HELZ: variants seen among roughly 807,000 people sequenced by gnomAD.
HELZ encodes the protein helicase with zinc finger.
In HELZ, 23 loss-of-function variants were observed where a neutral mutation model predicts 218.2. The observed-to-expected ratio is 0.11, with a 90% CI of 0.08 to 0.15. The LOEUF is 0.15. Among genes scored for constraint, HELZ ranks in the 10% least tolerant of loss-of-function variants. The pLI is 1.00. For missense variants in HELZ, 1,813 were observed against 2,353.7 expected (o/e 0.77, Z 4.75); for synonymous variants, 814 against 829.4 (o/e 0.98, Z 0.32).
chr17:67,242,999 A>T (rs567895906), intron 2 of HELZ, among the ~76,000 whole-genome samples: 1 of 151,604 alleles, frequency 6.6e-6, no homozygotes, highest in African/African-American at 2.4e-5. Context: ...TTATTTTTCT[A>T]AAAAAAAACT....
At chr17:67,204,026 T>C (rs1385059697) in intron 5 of HELZ, among the ~76,000 whole-genome samples, 2 of 152,370 alleles carry the variant, frequency 1.3e-5, no homozygotes, top group Non-Finnish European at 2.9e-5. Flanking sequence ...TATACTCATT[T>C]TTATGCCATG....
chr17:67,085,424 AAAC>A (rs1330397681), intron 32 of HELZ, among the ~76,000 whole-genome samples: 2 of 152,230 alleles, frequency 1.3e-5, no homozygotes, highest in South Asian at 2.1e-4. Context: ...CCTGTCTCAA[AAAC>A]AACAACAAAA....
chr17:67,115,968 A>G (rs555152480), intron 27 of HELZ, among the ~76,000 whole-genome samples: 6 of 152,266 alleles, frequency 3.9e-5, no homozygotes, highest in African/African-American at 1.2e-4. Flanking sequence ...AAAAATAACA[A>G]TTATGTTTTG....
At chr17:67,225,328 T>C (rs529695346) in intron 3 of HELZ, 1 of 177,160 alleles carries the variant, frequency 5.6e-6, no homozygotes, top group African/African-American at 2.4e-5. Context: ...CCAGTTACAC[T>C]GTAAACGACA....
intron 32 of HELZ, among the ~76,000 whole-genome samples, chr17:67,086,439 G>C (rs2143579133): frequency 6.6e-6 from 1 of 151,470 alleles, no homozygotes; most frequent in South Asian, 2.1e-4. Context: ...AAATTAGCCA[G>C]GCGTGGGTGT....
intron 3 of HELZ, among the ~76,000 whole-genome samples, chr17:67,233,018 C>T (rs190132254): frequency 1.4e-4 from 21 of 152,340 alleles, no homozygotes; most frequent in Admixed American, 1.4e-3. Context: ...ACTGTAATCC[C>T]AGCTACTGGG....
rs140371233 is a variant in HELZ at position 67,165,359 on chromosome 17, G to A, written c.1895+1119C>T. On this transcript the variant is annotated intron_variant, in intron 15 of 32. Coordinates refer to ENST00000358691, the MANE Select transcript of HELZ (RefSeq NM_014877.4). ...GGGAAGTGATATATACCACTCCTAG[G>A]CCTGGCCCATAAAAGCTTCCCACGT... 2.1e-4 allele frequency among the ~76,000 whole-genome samples: 32 copies of A among 152,158 alleles called. No homozygotes were observed. In the East Asian group the frequency reaches 6.0e-3, roughly 29 times the overall value.
intron 15 of HELZ, among the ~76,000 whole-genome samples, chr17:67,165,233 A>G (rs1215392853): frequency 6.6e-6 from 1 of 152,244 alleles, no homozygotes; most frequent in Non-Finnish European, 1.5e-5. Flanking sequence ...GGGACTGCAC[A>G]GTAAGAGTAA....
At chr17:67,135,851 A>T (rs1874292271) in intron 23 of HELZ, 119 bp downstream of exon 23, 1 of 728,216 alleles carries the variant, frequency 1.4e-6, no homozygotes, top group African/African-American at 1.8e-5. Context: ...CCCACTGGAT[A>T]TCAGGCTACA....
rs369445283 is a variant in HELZ at position 67,151,269 on chromosome 17, T to C, written c.2178-45A>G. ...TTCTGATTTACATTTACTAATTTCTTAACAGTATCTAGTTATTAAAACACT... is the reference window on the plus strand; with the variant it reads ...TTCTGATTTACATTTACTAATTTCTCAACAGTATCTAGTTATTAAAACACT... On this transcript the variant is annotated intron_variant, in intron 17 of 32. Transcript: ENST00000358691. 267 of 1,444,556 alleles carry C rather than the reference T, an allele frequency of 1.8e-4. 2 individuals carry two copies. The highest frequency in any genetic ancestry group is 3.6e-5 in the Admixed American group (2 of 55,600). The allele number at this position is 1,444,556 out of a possible 1,614,324, so 89.5% of individuals were successfully genotyped here.
At chr17:67,186,835 T>G (rs1303032031) in intron 12 of HELZ, among the ~76,000 whole-genome samples, 2 of 152,218 alleles carry the variant, frequency 1.3e-5, no homozygotes, top group East Asian at 3.8e-4. Flanking sequence ...TCTTTATGAC[T>G]TAAATCTCTT....
At chr17:67,175,356 TAGAC>T (rs1373851247) in intron 13 of HELZ, among the ~76,000 whole-genome samples, 2 of 152,190 alleles carry the variant, frequency 1.3e-5, no homozygotes, top group Non-Finnish European at 2.9e-5. Context: ...AGTAGCTGCA[TAGAC>T]ACCTCCCCCA....
chr17:67,147,947 C>T (rs999165825), intron 20 of HELZ, among the ~76,000 whole-genome samples: 3 of 152,256 alleles, frequency 2.0e-5, no homozygotes, highest in Admixed American at 6.5e-5. Flanking sequence ...CCATACCATG[C>T]CCTAGGCACT....
Position 67,072,014 on chromosome 17 carries a change from C to CA in HELZ, c.*6237dup, listed in dbSNP as rs1310227898. On this transcript the variant is annotated 3_prime_UTR_variant, in exon 33 of 33. Coordinates refer to ENST00000358691, the MANE Select transcript of HELZ (RefSeq NM_014877.4). ...CCTTTGCCCTCACCACCCTCCCCCACAAAAAAAAAAAATAATAATAACCAT... is the reference window on the plus strand; with the variant it reads ...CCTTTGCCCTCACCACCCTCCCCCACAAAAAAAAAAAAATAATAATAACCAT... 51 of 105,368 alleles carry CA rather than the reference C, an allele frequency of 4.8e-4. No individual in the cohort carries two copies. Among genetic ancestry groups the CA allele is most frequent in the African/African-American group, 4.6e-4 (12 of 26,132 alleles). The allele number at this position is 105,368 out of a possible 1,614,324, so 6.5% of individuals were successfully genotyped here.
intron 23 of HELZ, 106 bp downstream of exon 23, chr17:67,135,863 TA>T (rs1207122139): frequency 1.4e-5 from 12 of 862,030 alleles, no homozygotes; most frequent in Non-Finnish European, 2.1e-5. Flanking sequence ...CAGGCTACAA[TA>T]AACCTGTTTT....
At chr17:67,088,349 G>A (rs1439110605) in intron 31 of HELZ, among the ~76,000 whole-genome samples, 2 of 152,164 alleles carry the variant, frequency 1.3e-5, no homozygotes, top group African/African-American at 2.4e-5. Flanking sequence ...TCAGGAACTG[G>A]AGGCTGGATT....
chr17:67,187,193 T>C (rs987389572), intron 12 of HELZ, among the ~76,000 whole-genome samples: 32 of 152,168 alleles, frequency 2.1e-4, no homozygotes, highest in Non-Finnish European at 7.4e-5. Context: ...TATTTAGCTA[T>C]GGAAATTAAT....
intron 12 of HELZ, among the ~76,000 whole-genome samples, chr17:67,183,831 TCTGAACCCGAA>T (rs1203935561): frequency 1.3e-5 from 2 of 151,964 alleles, no homozygotes; most frequent in Non-Finnish European, 2.9e-5. Flanking sequence ...AGTGTCTTTT[TCTGAACCCGAA>T]TCTCCCCAAC....
In HELZ at chr17:67,180,984, C is replaced by T. The variant is rs555543355; in HGVS notation, c.1163-2058G>A. Among the ~76,000 whole-genome samples the T allele has an allele frequency of 2.0e-5, 3 of 151,560 alleles. No homozygotes were observed. In the East Asian group the frequency reaches 5.8e-4, roughly 29 times the overall value. Reference sequence around the variant, plus strand: ...AGGAGAATCACTTGAACCCAAGAGGCAGAGGATGCAGTGAGCCAAGATCGC... The same window carrying T: ...AGGAGAATCACTTGAACCCAAGAGGTAGAGGATGCAGTGAGCCAAGATCGC... On this transcript the variant is annotated intron_variant, in intron 12 of 32. Coordinates refer to ENST00000358691, the MANE Select transcript of HELZ (RefSeq NM_014877.4).
Sources: allele counts gnomAD v4.1 joint callset (sites outside exome capture counted in the v4.1 genomes callset), GRCh38; gene constraint gnomAD v4.1.1; transcripts MANE v1.5; gene names NCBI Gene and HGNC (gene_info 2026-07-23, HGNC 2026-07-21).